NOTCH2NLB: variants seen among roughly 807,000 people sequenced by gnomAD.
NOTCH2NLB encodes the protein notch homolog 2 N-terminal-like protein B.
NOTCH2NLB carries 1 observed loss-of-function variant against 14.8 expected under a neutral mutation model. The ratio of observed to expected loss-of-function variants is 0.07; its 90% confidence interval spans 0.02 to 0.32. The LOEUF is 0.32. Ranked by LOEUF, NOTCH2NLB falls within the 10% of genes least tolerant of loss-of-function variation. The pLI, the probability that NOTCH2NLB is intolerant of heterozygous loss-of-function variation, is 1.00. For synonymous variants in NOTCH2NLB, 6 were observed against 57.5 expected (o/e 0.10, Z 4.05); for missense variants, 11 against 155.0 (o/e 0.07, Z 4.93).
At chr1:148,637,488 T>C in intron 2 of NOTCH2NLB, among the ~76,000 whole-genome samples, 1 of 144,418 alleles carries the variant, frequency 6.9e-6, no homozygotes. Context: ...TCTCCATATA[T>C]AAGTCACCAA....
rs1376121757 is a variant in NOTCH2NLB at position 148,645,769 on chromosome 1, A to C, written c.4-5680T>G. Among the ~76,000 whole-genome samples the C allele has an allele frequency of 1.1e-3, 161 of 150,014 alleles. 1 individual carries two copies. The South Asian group carries it at 0.014, about 13-fold the overall frequency. Reference sequence around the variant, plus strand: ...CTGGTCCTCACAGGGCCACCCCCCCACCCATCCTTGTAACACTCATGACTC... The same window carrying C: ...CTGGTCCTCACAGGGCCACCCCCCCCCCCATCCTTGTAACACTCATGACTC... On this transcript the variant is annotated intron_variant, in intron 1 of 4. Transcript: ENST00000593495.
chr1:148,637,266 C>T (rs1664225743), intron 2 of NOTCH2NLB, among the ~76,000 whole-genome samples: 1 of 140,644 alleles, frequency 7.1e-6, no homozygotes, highest in African/African-American at 2.8e-5. Flanking sequence ...GATGGGATTT[C>T]ACCGTGTTAG....
At chr1:148,703,382 T>C in the NOTCH2NLB span, among the ~76,000 whole-genome samples, 5 of 97,428 alleles carry the variant, frequency 5.1e-5, no homozygotes, top group Non-Finnish European at 1.1e-4. Context: ...TGGTTAATTC[T>C]GTCTGTGGGG....
rs1283802008 is a variant in NOTCH2NLB at position 148,638,747 on chromosome 1, A to T, written c.77+1269T>A. On this transcript the variant is annotated intron_variant, in intron 2 of 4. Transcript: ENST00000593495. Reference sequence around the variant, plus strand: ...TTGAAAAAAAAATCTTGTTTATAACATTAAAAAACTAAATCCTAGTGTCAG... The same window carrying T: ...TTGAAAAAAAAATCTTGTTTATAACTTTAAAAAACTAAATCCTAGTGTCAG... Among the ~76,000 whole-genome samples the T allele has an allele frequency of 8.0e-5, 12 of 149,580 alleles. 1 individual carries two copies. Among genetic ancestry groups the T allele is most frequent in the African/African-American group, 2.2e-4 (9 of 40,140 alleles).
intron 1 of NOTCH2NLB, among the ~76,000 whole-genome samples, chr1:148,673,587 CT>C: frequency 8.2e-6 from 1 of 121,376 alleles, no homozygotes; most frequent in African/African-American, 2.8e-5. Flanking sequence ...AATAAGGAGG[CT>C]TACAACAAAG....
At chr1:148,689,190 TACC>T in the NOTCH2NLB span, among the ~76,000 whole-genome samples, 1 of 35,088 alleles carries the variant, frequency 2.8e-5, no homozygotes, top group African/African-American at 1.1e-4. Flanking sequence ...TGACCTATAA[TACC>T]ACCACTAATA....
intron 1 of NOTCH2NLB, among the ~76,000 whole-genome samples, chr1:148,674,502 C>CA (rs1460421830): frequency 7.6e-4 from 48 of 63,234 alleles, no homozygotes; most frequent in African/African-American, 2.0e-3. Flanking sequence ...AAAGAGATAG[C>CA]AAAAAAAGTC....
the NOTCH2NLB span, among the ~76,000 whole-genome samples, chr1:148,703,304 T>C: frequency 3.0e-5 from 4 of 132,944 alleles, no homozygotes; most frequent in East Asian, 1.0e-3. Context: ...AAAAAAAAAA[T>C]CAATGTTACA....
chr1:148,670,625 C>T (rs1430266102), intron 1 of NOTCH2NLB, among the ~76,000 whole-genome samples: 18 of 122,696 alleles, frequency 1.5e-4, no homozygotes, highest in African/African-American at 4.3e-4. Context: ...AAACCAAAGA[C>T]GTATACCAAA....
chr1:148,654,787 T>C lies in NOTCH2NLB; in HGVS notation c.4-14698A>G, dbSNP rs1266889875. The stretch of plus-strand genomic sequence containing the variant: ...GTTTTAAGCTATAATAAGTCTATAA[T>C]AAATAATATACTCTATAAATAAATT... On this transcript the variant is annotated intron_variant, in intron 1 of 4. Transcript: ENST00000593495. Among the ~76,000 whole-genome samples, 2 of 93,056 alleles carry C rather than the reference T, an allele frequency of 2.1e-5. 1 individual carries two copies. Among genetic ancestry groups the C allele is most frequent in the Non-Finnish European group, 4.8e-5 (2 of 41,716 alleles). The allele number at this position is 93,056 out of a possible 152,430, so 61.0% of individuals were successfully genotyped here.
At chr1:148,615,434 G>A (rs1490929077) in intron 3 of NOTCH2NLB, among the ~76,000 whole-genome samples, 116 of 25,510 alleles carry the variant, frequency 4.5e-3, no homozygotes, top group Middle Eastern at 0.012. Context: ...GCAAGCGTGC[G>A]CCACCGCACC....
chr1:148,645,493 C>T (rs1664344935), intron 1 of NOTCH2NLB, among the ~76,000 whole-genome samples: 1 of 144,320 alleles, frequency 6.9e-6, no homozygotes, highest in South Asian at 2.3e-4. Flanking sequence ...CCAGTCTAGG[C>T]TCCCATGCTG....
At chr1:148,670,353 T>C (rs1392944524) in intron 1 of NOTCH2NLB, among the ~76,000 whole-genome samples, 2 of 143,574 alleles carry the variant, frequency 1.4e-5, no homozygotes, top group South Asian at 2.3e-4. Context: ...AAAAAGGCAA[T>C]ACAAACGCCA....
At chr1:148,636,940 CAAG>C (rs1431142339) in intron 2 of NOTCH2NLB, among the ~76,000 whole-genome samples, 1 of 145,850 alleles carries the variant, frequency 6.9e-6, no homozygotes, top group African/African-American at 2.6e-5. Flanking sequence ...TTCTTTCTCT[CAAG>C]GAGTTTGTTT....
At chr1:148,645,772 C>T (rs1664356760) in intron 1 of NOTCH2NLB, among the ~76,000 whole-genome samples, 1 of 150,890 alleles carries the variant, frequency 6.6e-6, no homozygotes. Flanking sequence ...CCCCCCCACC[C>T]ATCCTTGTAA....
At chr1:148,633,552 C>CAA (rs1304988810) in intron 2 of NOTCH2NLB, among the ~76,000 whole-genome samples, 13 of 28,800 alleles carry the variant, frequency 4.5e-4, no homozygotes, top group Admixed American at 1.7e-3. Context: ...GACTCTGTCT[C>CAA]AAAAAAAAAC....
At chr1:148,615,280 G>T (rs1460887435) in intron 3 of NOTCH2NLB, among the ~76,000 whole-genome samples, 1 of 42,684 alleles carries the variant, frequency 2.3e-5, no homozygotes, top group Non-Finnish European at 5.6e-5. Context: ...GACTACAGGT[G>T]CACACCACCA....
rs1346318755 is a variant in NOTCH2NLB, at chr1:148,622,307, T to A, written c.78-6357A>T. Among the ~76,000 whole-genome samples, 284 of 110,094 alleles carry A rather than the reference T, an allele frequency of 2.6e-3. 72 individuals carry two copies. The highest frequency in any genetic ancestry group is 0.011 in the African/African-American group (269 of 23,532). 72.2% of individuals were successfully genotyped at this position (110,094 alleles called of 152,430 possible). On this transcript the variant is annotated intron_variant, in intron 2 of 4. Coordinates refer to ENST00000593495, the Ensembl canonical transcript of NOTCH2NLB. ...ATGGCATGAACCCAGAAGTTGGAGG[T>A]TGCAGTGAGCCAAGATCGCGTCACT...
At chr1:148,637,391 T>C (rs1414871336) in intron 2 of NOTCH2NLB, among the ~76,000 whole-genome samples, 33 of 133,876 alleles carry the variant, frequency 2.5e-4, no homozygotes, top group Admixed American at 5.8e-4. Context: ...TCCTGGTAAG[T>C]GCTCAGAGAT....
Sources: allele counts gnomAD v4.1 joint callset (sites outside exome capture counted in the v4.1 genomes callset), GRCh38; gene constraint gnomAD v4.1.1; transcripts MANE v1.5; gene names NCBI Gene and HGNC (gene_info 2026-07-23, HGNC 2026-07-21).